Variants in ATP5MF observed in about 807,000 individuals in gnomAD.
ATP5MF encodes the protein ATP synthase F(0) complex subunit f, mitochondrial.
Under a neutral mutation model 13.8 loss-of-function variants are expected in ATP5MF, and 10 were observed. That is an observed-to-expected ratio of 0.72 (90% CI 0.45 to 1.23). ATP5MF has a LOEUF of 1.23. Ranked by LOEUF, ATP5MF falls within the 50% of genes most tolerant of loss-of-function variation. ATP5MF has a pLI of 0.00. For synonymous variants in ATP5MF, 40 were observed against 45.8 expected (o/e 0.87, Z 0.51); for missense variants, 122 against 118.2 (o/e 1.03, Z -0.15).
intron 1 of ATP5MF, among the ~76,000 whole-genome samples, chr7:99,464,459 C>T (rs890225817): frequency 1.3e-5 from 2 of 151,850 alleles, no homozygotes; most frequent in East Asian, 1.9e-4. Flanking sequence ...GTCAGGAGAT[C>T]GAGACCATCC....
In ATP5MF at chr7:99,459,203, G is replaced by T; in HGVS notation, c.200C>A (p.Thr67Asn). Residue 67 changes from threonine (T) to asparagine (N), a missense_variant, in exon 3 of 4, where the codon ACC becomes AAC. Physicochemically the swap from Thr to Asn is moderately conservative, Grantham distance 65. Coordinates refer to ENST00000292475, the MANE Select transcript of ATP5MF (RefSeq NM_004889.5). ...GAGCACGTAGCATGCCAGCACCATG[G>T]TAATCCCCGAGATGCTCCCCTTCTT... The part of the protein sequence containing the change: ...NVKKGSISGI[T>N]MVLACYVLFS... 6.2e-7 allele frequency: 1 copy of T among 1,614,138 alleles called. No individual in the cohort carries two copies. The highest frequency in any genetic ancestry group is 8.5e-7 in the Non-Finnish European group (1 of 1,180,028).
intron 1 of ATP5MF, 108 bp from the exon 2 acceptor site, chr7:99,460,301 A>G: frequency 8.2e-7 from 1 of 1,223,290 alleles, no homozygotes; most frequent in African/African-American, 1.5e-5. Flanking sequence ...GCATAATGCA[A>G]TTACACAGAG....
At chr7:99,464,423 G>T (rs1490131394) in intron 1 of ATP5MF, among the ~76,000 whole-genome samples, 2 of 152,226 alleles carry the variant, frequency 1.3e-5, no homozygotes, top group African/African-American at 4.8e-5. Flanking sequence ...CAGCACTTTG[G>T]GAGGCTGAGG....
chr7:99,464,588 G>A (rs1397661037), intron 1 of ATP5MF, among the ~76,000 whole-genome samples: 9 of 152,042 alleles, frequency 5.9e-5, no homozygotes, highest in African/African-American at 9.7e-5. Flanking sequence ...GCGTGAACCC[G>A]GGAGGCAGAG....
At chr7:99,458,384 A>G (rs1357184621) in intron 3 of ATP5MF, 29 bp from the exon 4 acceptor site, 13 of 1,598,696 alleles carry the variant, frequency 8.1e-6, no homozygotes, top group African/African-American at 1.3e-5. Context: ...GATGGTAAGT[A>G]TCTTAAAAGG....
intron 2 of ATP5MF, 154 bp downstream of exon 2, chr7:99,459,932 A>C: frequency 1.2e-6 from 1 of 809,144 alleles, no homozygotes; most frequent in Non-Finnish European, 1.9e-6. Flanking sequence ...TCAACCACAG[A>C]AGTCCAAGGC....
intron 2 of ATP5MF, 174 bp downstream of exon 2, chr7:99,459,912 A>G: frequency 1.4e-6 from 1 of 693,478 alleles, no homozygotes; most frequent in Non-Finnish European, 2.4e-6. Flanking sequence ...CCAGCCTTTG[A>G]AAGGGCCAAT....
At chr7:99,458,936 C>T (rs1798466364) in intron 3 of ATP5MF, 1 of 543,160 alleles carries the variant, frequency 1.8e-6, no homozygotes, top group East Asian at 3.1e-5. Flanking sequence ...CTTGATTTTC[C>T]TGTGTTCTCT....
At chr7:99,460,425 GT>G (rs1798548019) in intron 1 of ATP5MF, 2 of 699,598 alleles carry the variant, frequency 2.9e-6, no homozygotes, top group South Asian at 2.9e-5. Flanking sequence ...CCAACAGGAC[GT>G]CTGAGTAACA....
rs151190633 is a variant in ATP5MF at position 99,461,536 on chromosome 7, A to G, written c.32-1343T>C. ...AAGGAAAGACTAAGGCTCTGTCAGG[A>G]CCAGCCTCAAGAGTCTGCTGAGGGA... On this transcript the variant is annotated intron_variant, in intron 1 of 3. Transcript: ENST00000292475. Among the ~76,000 whole-genome samples the G allele has an allele frequency of 5.5e-3, 830 of 152,188 alleles. 6 individuals carry two copies. Among genetic ancestry groups the G allele is most frequent in the African/African-American group, 0.019 (803 of 41,554 alleles).
rs372523942 is a variant in ATP5MF, at chr7:99,459,159, A to G, written c.244T>C (p.Tyr82His). ...CYVLFSYSFS[Y>H]KHLKHERLRK... ...CAGAGGCACTCACTGAGATGCTTGT[A>G]GGAAAAGGAGTAGCTAAAGAGCACG... The change falls in exon 3 of 4, where the codon TAC becomes CAC. Residue 82 changes from tyrosine to histidine, a missense_variant. Physicochemically the swap from Tyr to His is moderately conservative, Grantham distance 83. Transcript: ENST00000292475. The G allele has an allele frequency of 1.2e-6, 2 of 1,613,290 alleles. No individual in the cohort carries two copies. The highest frequency in any genetic ancestry group is 2.7e-5 in the African/African-American group (2 of 74,916).
At chr7:99,458,548 C>T (rs2151023903) in intron 3 of ATP5MF, among the ~76,000 whole-genome samples, 193 bp from the exon 4 acceptor site, 1 of 152,204 alleles carries the variant, frequency 6.6e-6, no homozygotes, top group South Asian at 2.1e-4. Flanking sequence ...AGCCAACCTG[C>T]CACCTGGCCA....
intron 1 of ATP5MF, 132 bp from the exon 2 acceptor site, chr7:99,460,325 A>C: frequency 2.0e-6 from 2 of 977,050 alleles, no homozygotes; most frequent in Non-Finnish European, 1.6e-6. Context: ...GCACATACAC[A>C]ATATTATGAA....
At chr7:99,462,968 A>C (rs999587808) in intron 1 of ATP5MF, among the ~76,000 whole-genome samples, 4 of 152,252 alleles carry the variant, frequency 2.6e-5, no homozygotes, top group Admixed American at 6.5e-5. Context: ...GTCTAGTGCC[A>C]TTCTGGGTTT....
Position 99,460,117 on chromosome 7 carries a change from A to C in ATP5MF, c.108T>G (p.Ser36Arg). 6.2e-7 allele frequency: 1 copy of C among 1,614,130 alleles called. No individual in the cohort carries two copies. The highest frequency in any genetic ancestry group is 8.5e-7 in the Non-Finnish European group (1 of 1,180,008). The change falls in exon 2 of 4, where the codon AGT becomes AGG. Residue 36 changes from serine to arginine, a missense_variant. By Grantham distance (110) the Ser-to-Arg change is moderately radical. Coordinates refer to ENST00000292475, the MANE Select transcript of ATP5MF (RefSeq NM_004889.5). ...LPSWILMRDF[S>R]PSGIFGAFQR... ...GAAACGCTCCGAAAATGCCACTAGG[A>C]CTGAAGTCCCGCATCAAGATCCAGC...
At chr7:99,463,832 C>T (rs544262150) in intron 1 of ATP5MF, among the ~76,000 whole-genome samples, 2 of 152,198 alleles carry the variant, frequency 1.3e-5, no homozygotes, top group South Asian at 2.1e-4. Context: ...CCATTCTGAG[C>T]TCATGGCCAG....
intron 1 of ATP5MF, among the ~76,000 whole-genome samples, chr7:99,460,943 A>G (rs1285132300): frequency 6.6e-6 from 1 of 152,200 alleles, no homozygotes; most frequent in Non-Finnish European, 1.5e-5. Context: ...ATTTCCAGAG[A>G]TAAAAATAAG....
intron 1 of ATP5MF, among the ~76,000 whole-genome samples, chr7:99,461,956 C>A (rs925511949): frequency 4.6e-5 from 7 of 151,406 alleles, no homozygotes; most frequent in African/African-American, 1.7e-4. Context: ...CCGCACCAGG[C>A]CAGAAAACTC....
At chr7:99,462,823 T>A (rs929049954) in intron 1 of ATP5MF, among the ~76,000 whole-genome samples, 1 of 152,172 alleles carries the variant, frequency 6.6e-6, no homozygotes, top group African/African-American at 2.4e-5. Context: ...AAGGCCTCAG[T>A]CCTTGGTTGC....
Sources: allele counts gnomAD v4.1 joint callset (sites outside exome capture counted in the v4.1 genomes callset), GRCh38; gene constraint gnomAD v4.1.1; transcripts MANE v1.5; gene names NCBI Gene and HGNC (gene_info 2026-07-23, HGNC 2026-07-21).